Variants in CNTRL observed in about 807,000 individuals in gnomAD.
The protein encoded by CNTRL is centriolin, also known as 110 kDa centrosomal protein.
Under a neutral mutation model 303.7 loss-of-function variants are expected in CNTRL, and 233 were observed. The ratio of observed to expected loss-of-function variants is 0.77; its 90% CI spans 0.69 to 0.86. The LOEUF is 0.86. Among genes scored for constraint, CNTRL ranks in the 40% least tolerant of loss-of-function variants. The pLI is 0.00. For synonymous variants in CNTRL, 900 were observed against 922.2 expected, an observed-to-expected ratio of 0.98 and a Z score of 0.44; for missense variants, 2,524 against 2,650.6, an observed-to-expected ratio of 0.95 and a Z score of 1.05.
rs1298500379 is a variant in CNTRL, at chr9:121,162,276, G to A, written c.5423+5G>A. ...AAAGTTGGCACAAACCAAAAGGTGAGAGCAAGAACAAATAAGCTTGCAGGA... is the reference window on the plus strand; with the variant it reads ...AAAGTTGGCACAAACCAAAAGGTGAAAGCAAGAACAAATAAGCTTGCAGGA... On this transcript the variant is annotated splice_donor_5th_base_variant and intron_variant, in intron 34 of 43. Transcript: ENST00000373855. 14 of 1,609,912 alleles carry A rather than the reference G, an allele frequency of 8.7e-6. 1 individual carries two copies. The South Asian group carries it at 1.5e-4, about 18-fold the overall frequency.
chr9:121,144,810 A>T, intron 20 of CNTRL, 33 bp from the exon 21 acceptor site: 2 of 1,458,500 alleles, frequency 1.4e-6, no homozygotes, highest in Non-Finnish European at 1.9e-6. Flanking sequence ...CTGTGATAGC[A>T]GTGGTGCCTT....
intron 14 of CNTRL, among the ~76,000 whole-genome samples, chr9:121,134,029 A>T (rs1335235730): frequency 6.6e-6 from 1 of 152,168 alleles, no homozygotes; most frequent in East Asian, 1.9e-4. Flanking sequence ...TATTGTGAAG[A>T]TGTTTACAGT....
rs201802980 is a variant in CNTRL at position 121,169,832 on chromosome 9, C to T, written c.6276+16C>T. On this transcript the variant is annotated intron_variant, in intron 39 of 43. Coordinates refer to ENST00000373855, the MANE Select transcript of CNTRL (RefSeq NM_007018.6). ...AAACCTTCTTGTGAGTACCTGCTGC[C>T]GTGGCAGTTTGTGAGGAAATGATAA... is the stretch of plus-strand genomic sequence containing the variant. 1.6e-4 allele frequency: 249 copies of T among 1,606,378 alleles called. No individual in the cohort carries two copies. In the African/African-American group the frequency reaches 2.3e-3, roughly 15 times the overall value.
Position 121,080,402 on chromosome 9 carries a change from A to G in CNTRL, c.-108A>G, listed in dbSNP as rs2048094169. The G allele has an allele frequency of 6.6e-6, 1 of 152,178 alleles. No homozygotes were observed. The highest frequency in any genetic ancestry group is 6.5e-5 in the Admixed American group (1 of 15,280). 9.4% of individuals were successfully genotyped at this position (152,178 alleles called of 1,614,324 possible). A position where few individuals can be genotyped will look rare whatever the true frequency, so the allele number is the denominator to read the frequency against. On this transcript the variant is annotated 5_prime_UTR_variant, in exon 2 of 44. Transcript: ENST00000373855. ...AGCCTGGAGCTCCTGGGATCAAGCA[A>G]TCCTCCTGCCTCATCCTCTGGAGTA...
intron 8 of CNTRL, among the ~76,000 whole-genome samples, chr9:121,109,320 G>A (rs955517636): frequency 6.6e-6 from 1 of 152,154 alleles, no homozygotes; most frequent in Non-Finnish European, 1.5e-5. Flanking sequence ...TGAATCCACA[G>A]ATGCAGAACT....
At chr9:121,114,489 G>A (rs533200188) in intron 10 of CNTRL, among the ~76,000 whole-genome samples, 11 of 152,276 alleles carry the variant, frequency 7.2e-5, no homozygotes, top group Non-Finnish European at 1.2e-4. Context: ...ATTTATGTCT[G>A]CGTATACTAT....
At chr9:121,113,335 T>C (rs928482743) in intron 9 of CNTRL, among the ~76,000 whole-genome samples, 167 bp from the exon 10 acceptor site, 1 of 152,138 alleles carries the variant, frequency 6.6e-6, no homozygotes, top group Non-Finnish European at 1.5e-5. Flanking sequence ...TTTTGGTATA[T>C]TAAGAAGAAG....
chr9:121,145,175 GA>G, intron 21 of CNTRL, 68 bp from the exon 22 acceptor site: 1 of 1,496,870 alleles, frequency 6.7e-7, no homozygotes, highest in Non-Finnish European at 9.1e-7. Flanking sequence ...TAATCAAGTT[GA>G]AAGGATAAAT....
Position 121,150,271 on chromosome 9 carries a change from C to G in CNTRL, c.3751C>G (p.Pro1251Ala). ...TGGATACATGATGTATACTGTGCTT[C>G]CTGATGGTTCTCCTGTACCCCAGGG... Reference protein sequence around the residue: ...PPGYMMYTVLPDGSPVPQGMA... With the variant: ...PPGYMMYTVLADGSPVPQGMA... The change falls in exon 25 of 44, where the codon CCT becomes GCT. Residue 1251 changes from proline to alanine, a missense_variant. Physicochemically the swap from Pro to Ala is conservative, Grantham distance 27. Coordinates refer to ENST00000373855, the MANE Select transcript of CNTRL (RefSeq NM_007018.6). 2 of 1,614,186 alleles carry G rather than the reference C, an allele frequency of 1.2e-6. No homozygotes were observed. The highest frequency in any genetic ancestry group is 1.7e-6 in the Non-Finnish European group (2 of 1,180,024).
At chr9:121,093,680 A>G (rs951356114) in intron 4 of CNTRL, among the ~76,000 whole-genome samples, 5 of 152,226 alleles carry the variant, frequency 3.3e-5, no homozygotes, top group Admixed American at 2.6e-4. Context: ...AACATATTGA[A>G]TATAAACTCT....
intron 8 of CNTRL, among the ~76,000 whole-genome samples, chr9:121,110,241 T>C (rs1041156908): frequency 9.9e-5 from 15 of 152,154 alleles, no homozygotes; most frequent in African/African-American, 3.6e-4. Flanking sequence ...TTCAGTTTAG[T>C]TATATTTAAA....
chr9:121,142,846 A>G (rs2134017758), intron 19 of CNTRL, among the ~76,000 whole-genome samples: 1 of 152,120 alleles, frequency 6.6e-6, no homozygotes, highest in Middle Eastern at 3.4e-3. Flanking sequence ...CACCTTTGCT[A>G]TCTGTTAAGC....
chr9:121,086,633 CTTTTTTT>C (rs60828602), intron 2 of CNTRL, among the ~76,000 whole-genome samples: 1,412 of 119,200 alleles, frequency 0.012, 19 homozygotes, highest in African/African-American at 0.029. Flanking sequence ...GCTGGATTTA[CTTTTTTT>C]TTTTTTTTTT....
intron 36 of CNTRL, among the ~76,000 whole-genome samples, chr9:121,167,281 A>G (rs2053133857): frequency 6.7e-6 from 1 of 149,950 alleles, no homozygotes; most frequent in Non-Finnish European, 1.5e-5. Context: ...ACTGCACTCC[A>G]GCCTTGGCAA....
At chr9:121,155,370 T>C (rs2052514638) in intron 27 of CNTRL, among the ~76,000 whole-genome samples, 2 of 152,146 alleles carry the variant, frequency 1.3e-5, no homozygotes, top group Admixed American at 1.3e-4. Flanking sequence ...AAATATTTTT[T>C]GGTCAGAGAT....
intron 5 of CNTRL, 127 bp from the exon 6 acceptor site, chr9:121,096,293 GAA>G: frequency 1.6e-6 from 1 of 629,508 alleles, no homozygotes; most frequent in Non-Finnish European, 2.3e-6. Context: ...TCTCATTTAT[GAA>G]AAGAGTTGAT....
intron 43 of CNTRL, 79 bp from the exon 44 acceptor site, chr9:121,177,084 G>A: frequency 9.0e-7 from 1 of 1,106,822 alleles, no homozygotes; most frequent in South Asian, 1.3e-5. Context: ...TTACCTATAA[G>A]CCATCATGCC....
intron 7 of CNTRL, among the ~76,000 whole-genome samples, chr9:121,100,240 T>G (rs1340137466): frequency 6.6e-6 from 1 of 151,956 alleles, no homozygotes; most frequent in African/African-American, 2.4e-5. Context: ...CAGAAGAGAG[T>G]AGGGGCCAAT....
In CNTRL at chr9:121,136,000, G is replaced by A. The variant is rs751974689; in HGVS notation, c.2202+18G>A. 7 of 1,575,152 alleles carry A rather than the reference G, an allele frequency of 4.4e-6. No homozygotes were observed. Among genetic ancestry groups the A allele is most frequent in the Non-Finnish European group, 6.1e-6 (7 of 1,155,950 alleles). On this transcript the variant is annotated intron_variant, in intron 15 of 43. Transcript: ENST00000373855. The stretch of plus-strand genomic sequence containing the variant: ...TTACCCAGGTAAGTAGGAGCATGAA[G>A]CCAACTGCAAACTAAGGACCCTGTG...
Sources: allele counts gnomAD v4.1 joint callset (sites outside exome capture counted in the v4.1 genomes callset), GRCh38; gene constraint gnomAD v4.1.1; transcripts MANE v1.5; gene names NCBI Gene and HGNC (gene_info 2026-07-23, HGNC 2026-07-21).